Variants in DMXL2 observed in about 807,000 individuals in gnomAD.
The protein encoded by DMXL2 is dmX-like protein 2.
In DMXL2, 103 loss-of-function variants were observed where a neutral mutation model predicts 331.1. That is an observed-to-expected ratio of 0.31 (90% CI 0.27 to 0.37). The LOEUF (loss-of-function observed/expected upper bound fraction) is 0.37, where lower values mean the gene tolerates loss of function less well. DMXL2 is among the 10% of genes least tolerant of loss of function. The pLI, the probability that DMXL2 is intolerant of heterozygous loss-of-function variation, is 1.00. For synonymous variants in DMXL2, 1,281 were observed against 1,252.1 expected (o/e 1.02, Z -0.49); for missense variants, 3,171 against 3,642.9 (o/e 0.87, Z 3.33).
At position 51,449,065 on chromosome 15, in the gene DMXL2, G is replaced by C. The variant is rs150017189; in HGVS notation, c.9096C>G (p.Ser3032=). 2 of 1,614,200 alleles carry C rather than the reference G, an allele frequency of 1.2e-6. No individual in the cohort carries two copies. The highest frequency in any genetic ancestry group is 4.5e-5 in the East Asian group (2 of 44,882). ...IDIIQGNRLF[S]CGADGTLKTR... ...TTTTCAGCGTGCCATCTGCACCACA[G>C]GAGAAGAGCCGATTGCCCTGGATGA... Residue 3032 remains serine (S), a synonymous_variant, in exon 44 of 44, where the codon TCC becomes TCG. Coordinates refer to ENST00000560891, the MANE Select transcript of DMXL2 (RefSeq NM_001378457.1).
In DMXL2 at chr15:51,507,176, G is replaced by A; in HGVS notation, c.2722C>T (p.His908Tyr). ...EKDSNNNSIL[H>Y]MWHLHLKSVQ... is the part of the protein sequence containing the mutation. ...GATTTAAGATGAAGGTGCCACATAT[G>A]CAGAATAGAGTTATTATTGCTGTCC... The change falls in exon 16 of 44, where the codon CAT becomes TAT. Residue 908 changes from histidine to tyrosine, a missense_variant. Physicochemically the swap from His to Tyr is moderately conservative, Grantham distance 83. Transcript: ENST00000560891. The A allele has an allele frequency of 6.2e-7, 1 of 1,610,724 alleles. No individual in the cohort carries two copies. The highest frequency in any genetic ancestry group is 8.5e-7 in the Non-Finnish European group (1 of 1,178,102).
intron 1 of DMXL2, among the ~76,000 whole-genome samples, chr15:51,611,699 C>T (rs2414113): frequency 0.48 from 72,362 of 151,556 alleles, 17,588 homozygotes; most frequent in Non-Finnish European, 0.52. Flanking sequence ...ATTAGTATCC[C>T]CATCTATGAA....
Position 51,459,621 on chromosome 15 carries a change from T to A in DMXL2, c.7966A>T (p.Ile2656Leu). Reference protein sequence around the residue: ...EHVEQVNQNCIAEDCHIKVEA... With the variant: ...EHVEQVNQNCLAEDCHIKVEA... ...ACCTTGATGTGGCAATCTTCTGCTA[T>A]GCAGTTTTGGTTGACCTGCTCCACA... Residue 2656 changes from isoleucine to leucine, a missense_variant, in exon 34 of 44, where the codon ATA becomes TTA. Ile to Leu is a conservative substitution (Grantham distance 5, BLOSUM62 2). Coordinates refer to ENST00000560891, the MANE Select transcript of DMXL2 (RefSeq NM_001378457.1). The A allele has an allele frequency of 1.6e-6, 2 of 1,289,878 alleles. No individual in the cohort carries two copies. Among genetic ancestry groups the A allele is most frequent in the Non-Finnish European group, 2.0e-6 (2 of 988,880 alleles). 79.9% of individuals were successfully genotyped at this position (1,289,878 alleles called of 1,614,324 possible).
intron 25 of DMXL2, among the ~76,000 whole-genome samples, chr15:51,479,489 C>T (rs2041849482): frequency 6.6e-6 from 1 of 152,234 alleles, no homozygotes; most frequent in South Asian, 2.1e-4. Context: ...CTCTGATTGC[C>T]TCTAACTATT....
At chr15:51,530,587 T>TAAAA (rs550510463) in intron 13 of DMXL2, among the ~76,000 whole-genome samples, 3,956 of 120,138 alleles carry the variant, frequency 0.033, 160 homozygotes, top group African/African-American at 0.11. Context: ...CCATCTCTAC[T>TAAAA]AAAAAAAAAA....
rs142203983 is a variant in DMXL2, at chr15:51,536,750, G to A, written c.1730C>T (p.Thr577Met). ...CINATKDSHH[T>M]LLHQEGMSVG... is the part of the protein sequence containing the mutation. ...AGACATCCCCTCCTGGTGTAACAGC[G>A]TGTGGTGAGAATCTTTTGTCGCATT... The change falls in exon 12 of 44, where the codon ACG becomes ATG. Residue 577 changes from threonine to methionine, a missense_variant. Around this residue, in one of 7 missense-constraint regions of DMXL2, gnomAD observed 1,674 missense variants for 1,780.2 expected, o/e 0.94. Transcript: ENST00000560891. 7.0e-5 allele frequency: 113 copies of A among 1,614,014 alleles called. No individual in the cohort carries two copies. The East Asian group carries it at 8.2e-4, about 12-fold the overall frequency.
chr15:51,472,812 T>C (rs2041245023), intron 28 of DMXL2, among the ~76,000 whole-genome samples: 1 of 152,198 alleles, frequency 6.6e-6, no homozygotes, highest in African/African-American at 2.4e-5. Flanking sequence ...CTAGCCTCCC[T>C]ACCACCAGCC....
intron 22 of DMXL2, 114 bp downstream of exon 22, chr15:51,487,840 T>C (rs938172012): frequency 2.8e-5 from 24 of 858,588 alleles, no homozygotes; most frequent in Non-Finnish European, 4.0e-5. Flanking sequence ...CAGCAACCTC[T>C]GTAGTTATTC....
Position 51,481,327 on chromosome 15 carries a change from T to C in DMXL2, c.5779A>G (p.Ile1927Val). The change falls in exon 24 of 44, where the codon ATT becomes GTT. Residue 1927 changes from isoleucine (I) to valine (V), a missense_variant. Ile to Val is a conservative substitution (Grantham distance 29). Coordinates refer to ENST00000560891, the MANE Select transcript of DMXL2 (RefSeq NM_001378457.1). ...LSAKKDQPDF[I>V]SHRMDDVPSH... The stretch of plus-strand genomic sequence containing the variant: ...GGTACATCATCCATCCTGTGAGAAA[T>C]GAAGTCAGGCTGATCTTTTTTTGCA... 6.2e-7 allele frequency: 1 copy of C among 1,614,146 alleles called. No homozygotes were observed. Among genetic ancestry groups the C allele is most frequent in the Non-Finnish European group, 8.5e-7 (1 of 1,179,988 alleles).
intron 13 of DMXL2, 94 bp downstream of exon 13, chr15:51,535,569 C>T: frequency 8.3e-7 from 1 of 1,202,144 alleles, no homozygotes. Flanking sequence ...TACTTACTCC[C>T]TAAACAGCAA....
intron 33 of DMXL2, 29 bp from the exon 34 acceptor site, chr15:51,459,689 A>G (rs1310014313): frequency 1.6e-6 from 2 of 1,289,224 alleles, no homozygotes; most frequent in Non-Finnish European, 2.0e-6. Flanking sequence ...TCACAAACAC[A>G]AAACACATGC....
chr15:51,598,290 T>C lies in DMXL2; in HGVS notation c.88-22109A>G, dbSNP rs77239792. Among the ~76,000 whole-genome samples, 7 of 152,348 alleles carry C rather than the reference T, an allele frequency of 4.6e-5. No homozygotes were observed. The East Asian group carries it at 1.3e-3, about 29-fold the overall frequency. ...AAATGTTAATATTTTACATCTGCTTTACCCTTGTCTCTGTATACATACATA... is the reference window on the plus strand; with the variant it reads ...AAATGTTAATATTTTACATCTGCTTCACCCTTGTCTCTGTATACATACATA... On this transcript the variant is annotated intron_variant, in intron 1 of 43. Coordinates refer to ENST00000560891, the MANE Select transcript of DMXL2 (RefSeq NM_001378457.1).
chr15:51,604,595 CAAA>C (rs1445784972), intron 1 of DMXL2, among the ~76,000 whole-genome samples: 1 of 152,098 alleles, frequency 6.6e-6, no homozygotes, highest in East Asian at 1.9e-4. Flanking sequence ...GATGAAAAAT[CAAA>C]GAAGATCTAA....
chr15:51,573,690 C>A (rs1277324015), intron 2 of DMXL2, among the ~76,000 whole-genome samples: 1 of 151,278 alleles, frequency 6.6e-6, no homozygotes, highest in East Asian at 2.0e-4. Context: ...TGAGGCCTGT[C>A]AGGGGGTCGG....
chr15:51,474,723 A>G, intron 27 of DMXL2, 131 bp from the exon 28 acceptor site: 1 of 1,011,574 alleles, frequency 9.9e-7, no homozygotes, highest in East Asian at 2.6e-5. Context: ...TTGAGCAACA[A>G]AATAAACAAG....
rs79930286 is a variant in DMXL2 at position 51,449,460 on chromosome 15, T to A, written c.8968-267A>T. 2.6e-5 allele frequency among the ~76,000 whole-genome samples: 4 copies of A among 152,300 alleles called. No homozygotes were observed. The East Asian group carries it at 7.7e-4, about 29-fold the overall frequency. Reference sequence around the variant, plus strand: ...TCTCTAATTCAATTAACTATTTGAGTTAATTCAGTTAAATGTGTTCCTCAT... The same window carrying A: ...TCTCTAATTCAATTAACTATTTGAGATAATTCAGTTAAATGTGTTCCTCAT... On this transcript the variant is annotated intron_variant, in intron 43 of 43. Transcript: ENST00000560891.
At chr15:51,454,859 G>C (rs2039485600) in intron 40 of DMXL2, among the ~76,000 whole-genome samples, 1 of 151,976 alleles carries the variant, frequency 6.6e-6, no homozygotes, top group Non-Finnish European at 1.5e-5. Flanking sequence ...TTTCAAAATG[G>C]ATGAAAGTAT....
At position 51,536,552 on chromosome 15, in the gene DMXL2, T is replaced by C; in HGVS notation, c.1928A>G (p.Lys643Arg). ...AFTTVLTVSH[K>R]FRYCGHRFHL... The stretch of plus-strand genomic sequence containing the variant: ...AAATCGATGACCGCAATATCTAAAT[T>C]TGTGAGATACAGTTAGAACAGTGGT... The change falls in exon 12 of 44, where the codon AAA (lysine) becomes AGA (arginine). Residue 643 changes from lysine (K) to arginine (R), a missense_variant. By Grantham distance (26) the Lys-to-Arg change is conservative. This residue lies in a region of DMXL2 where 1,674 missense variants were observed against 1,780.2 expected (regional missense o/e 0.94). Transcript: ENST00000560891. 1 of 1,613,884 alleles carries C rather than the reference T, an allele frequency of 6.2e-7. No individual in the cohort carries two copies. The highest frequency in any genetic ancestry group is 1.1e-5 in the South Asian group (1 of 91,042).
At chr15:51,578,089 G>A (rs1489144730) in intron 1 of DMXL2, among the ~76,000 whole-genome samples, 1 of 152,118 alleles carries the variant, frequency 6.6e-6, no homozygotes, top group Non-Finnish European at 1.5e-5. Flanking sequence ...TCATAAAATA[G>A]TAGAAGACAG....
Sources: gnomAD v4.1 joint callset for allele counts (sites outside exome capture counted in the v4.1 genomes callset) on GRCh38, gnomAD v4.1.1 for gene constraint, gnomAD v4.1.1 regional missense constraint, MANE v1.5 for transcripts, NCBI Gene and HGNC (gene_info 2026-07-23, HGNC 2026-07-21) for gene names.